The following ZNF333 variants were observed in gnomAD, a reference collection of about 807,000 sequenced individuals.
ZNF333 encodes the protein zinc finger protein 333.
In ZNF333, 61 loss-of-function variants were observed where a neutral mutation model predicts 76.1. The observed-to-expected ratio is 0.80, with a 90% CI of 0.65 to 0.99. ZNF333 has a LOEUF of 0.99. ZNF333 is among the 50% of genes least tolerant of loss of function. ZNF333 has a pLI of 0.00. For missense variants in ZNF333, 717 were observed against 822.4 expected (o/e 0.87, Z 1.57); for synonymous variants, 284 against 305.0 (o/e 0.93, Z 0.72).
Position 14,720,830 on chromosome 19 carries a change from C to T in ZNF333, c.*1505C>T. ...TATTGAGAGAGGTATGTTAAACTCT[C>T]CCACCATGATTATGTATTGCTGAAA... On this transcript the variant is annotated 3_prime_UTR_variant, in exon 12 of 12. Coordinates refer to ENST00000292530, the MANE Select transcript of ZNF333 (RefSeq NM_032433.4). 5.1e-6 allele frequency: 5 copies of T among 977,476 alleles called. No homozygotes were observed. Among genetic ancestry groups the T allele is most frequent in the Non-Finnish European group, 3.6e-6 (3 of 822,764 alleles). 60.6% of individuals were successfully genotyped at this position (977,476 alleles called of 1,614,324 possible). A position where few individuals can be genotyped will look rare whatever the true frequency, so the allele number is the denominator to read the frequency against.
chr19:14,707,549 CTTTT>C (rs751633025), intron 7 of ZNF333, among the ~76,000 whole-genome samples: 2 of 115,692 alleles, frequency 1.7e-5, no homozygotes. Flanking sequence ...AGCTTTGTTT[CTTTT>C]TTTTTTTTTT....
downstream of ZNF333, among the ~76,000 whole-genome samples, chr19:14,726,239 T>C (rs903893854): frequency 1.3e-5 from 2 of 152,232 alleles, no homozygotes; most frequent in Non-Finnish European, 2.9e-5. Flanking sequence ...GTCCAAAGGC[T>C]GCACAGGGCA....
At chr19:14,717,183 T>A in intron 10 of ZNF333, 94 bp downstream of exon 10, 1 of 989,634 alleles carries the variant, frequency 1.0e-6, no homozygotes, top group Non-Finnish European at 1.5e-6. Flanking sequence ...TATTCATACC[T>A]TTGACTGAGA....
In ZNF333 at chr19:14,718,825, C is replaced by T. The variant is rs1405784185; in HGVS notation, c.1498C>T (p.His500Tyr). ...HSSLKTHLRT[H>Y]TREKPYECNQ... ...TTCACTGAAGACACATCTGCGAACC[C>T]ATACCAGAGAGAAACCATATGAATG... Residue 500 changes from histidine (H) to tyrosine (Y), a missense_variant, in exon 12 of 12, where the codon CAT becomes TAT. Coordinates refer to ENST00000292530, the MANE Select transcript of ZNF333 (RefSeq NM_032433.4). The T allele has an allele frequency of 6.2e-7, 1 of 1,614,024 alleles. No homozygotes were observed. Among genetic ancestry groups the T allele is most frequent in the Admixed American group, 1.7e-5 (1 of 59,996 alleles).
intron 8 of ZNF333, 81 bp from the exon 9 acceptor site, chr19:14,716,031 C>T (rs1447064291): frequency 6.3e-7 from 1 of 1,587,244 alleles, no homozygotes; most frequent in East Asian, 2.2e-5. Flanking sequence ...TTTCCCTTCC[C>T]CAGGCTTGCC....
At chr19:14,709,388 A>G (rs1181282164) in intron 7 of ZNF333, 1 of 152,204 alleles carries the variant, frequency 6.6e-6, no homozygotes, top group Non-Finnish European at 1.5e-5. Context: ...CTATGTTCAA[A>G]TATGGTTACC....
At chr19:14,726,348 A>G (rs1395698041), downstream of ZNF333, among the ~76,000 whole-genome samples, 1 of 152,152 alleles carries the variant, frequency 6.6e-6, no homozygotes, top group African/African-American at 2.4e-5. Flanking sequence ...AATGCCTTCA[A>G]AGCCTTTTTC....
At chr19:14,704,587 C>A (rs2042055675) in intron 5 of ZNF333, among the ~76,000 whole-genome samples, 1 of 152,190 alleles carries the variant, frequency 6.6e-6, no homozygotes, top group Non-Finnish European at 1.5e-5. Context: ...GGAAGCCTCA[C>A]AATCATGGCA....
At chr19:14,696,501 G>A (rs1973203093) in intron 4 of ZNF333, among the ~76,000 whole-genome samples, 1 of 152,106 alleles carries the variant, frequency 6.6e-6, no homozygotes, top group African/African-American at 2.4e-5. Context: ...AGACTGGGTA[G>A]TTTATAAACA....
At chr19:14,697,205 C>T (rs992180448) in intron 4 of ZNF333, among the ~76,000 whole-genome samples, 17 of 152,128 alleles carry the variant, frequency 1.1e-4, no homozygotes, top group East Asian at 1.9e-4. Context: ...AACTTAATTC[C>T]TTTTTTAAGG....
Position 14,716,092 on chromosome 19 carries a change from G to A in ZNF333, c.601-20G>A, listed in dbSNP as rs746389832. 16 of 1,613,564 alleles carry A rather than the reference G, an allele frequency of 9.9e-6. No homozygotes were observed. The East Asian group carries it at 1.3e-4, about 13-fold the overall frequency. On this transcript the variant is annotated intron_variant, in intron 8 of 11. Coordinates refer to ENST00000292530, the MANE Select transcript of ZNF333 (RefSeq NM_032433.4). Reference sequence around the variant, plus strand: ...GGTGGGGGTGGTCCCTGGCTGAGCCGGGATGGATGTGTGTTTTAGGAACCA... The same window carrying A: ...GGTGGGGGTGGTCCCTGGCTGAGCCAGGATGGATGTGTGTTTTAGGAACCA...
chr19:14,695,264 T>C (rs1454352578), intron 3 of ZNF333, 131 bp downstream of exon 3: 1 of 1,316,754 alleles, frequency 7.6e-7, no homozygotes, highest in African/African-American at 1.5e-5. Flanking sequence ...CAAAGCTTCA[T>C]CTGTTGCATT....
chr19:14,719,298 T>G lies in ZNF333; in HGVS notation c.1971T>G (p.His657Gln). The G allele has an allele frequency of 6.2e-7, 1 of 1,612,070 alleles. No individual in the cohort carries two copies. The highest frequency in any genetic ancestry group is 8.5e-7 in the Non-Finnish European group (1 of 1,178,846). Residue 657 changes from histidine (H) to glutamine (Q), a missense_variant, in exon 12 of 12, where the codon CAT becomes CAG. His to Gln is a conservative substitution (Grantham distance 24). Coordinates refer to ENST00000292530, the MANE Select transcript of ZNF333 (RefSeq NM_032433.4). ...RNGSLPLSMSHPYCGPLAN is the reference protein window; with the variant it reads ...RNGSLPLSMSQPYCGPLAN ...GCAGCCTGCCTTTATCCATGTCTCATCCATACTGTGGGCCCCTTGCTAATT... is the reference window on the plus strand; with the variant it reads ...GCAGCCTGCCTTTATCCATGTCTCAGCCATACTGTGGGCCCCTTGCTAATT...
At chr19:14,726,925 T>C (rs2335210) in intron 11 of ZNF333, among the ~76,000 whole-genome samples, 11,247 of 152,106 alleles carry the variant, frequency 0.074, 1,014 homozygotes, top group African/African-American at 0.21. Flanking sequence ...TACACAGTTC[T>C]AAAGCTGCTT....
At chr19:14,694,969 G>A (rs1973064669) in intron 2 of ZNF333, 41 bp from the exon 3 acceptor site, 2 of 1,613,330 alleles carry the variant, frequency 1.2e-6, no homozygotes, top group Non-Finnish European at 1.7e-6. Flanking sequence ...CTCAGTGGTG[G>A]GGGTGGTATT....
At chr19:14,725,977 G>T (rs953235421), downstream of ZNF333, among the ~76,000 whole-genome samples, 17 of 152,178 alleles carry the variant, frequency 1.1e-4, no homozygotes, top group African/African-American at 3.9e-4. Flanking sequence ...TCCTAATAGA[G>T]TTCCTCTGTG....
chr19:14,728,380 T>C (rs1237555965), intron 11 of ZNF333, among the ~76,000 whole-genome samples: 1 of 152,230 alleles, frequency 6.6e-6, no homozygotes, highest in Non-Finnish European at 1.5e-5. Context: ...TCTGTTTCTC[T>C]GAGGTCTGGC....
chr19:14,708,077 G>A lies in ZNF333; in HGVS notation c.511+1304G>A, dbSNP rs1188627927. ...GGCTGGAGTGCAGTGGCACGATCTC[G>A]GCTCACTGCAACCTCTGCCTCCCGG... On this transcript the variant is annotated intron_variant, in intron 7 of 11. Coordinates refer to ENST00000292530, the MANE Select transcript of ZNF333 (RefSeq NM_032433.4). The A allele has an allele frequency of 2.3e-5, 9 of 392,246 alleles. 1 individual carries two copies. In the South Asian group the frequency reaches 6.8e-4, roughly 30 times the overall value. The allele number at this position is 392,246 out of a possible 1,614,324, so 24.3% of individuals were successfully genotyped here.
chr19:14,723,802 A>G (rs1392514729), downstream of ZNF333, among the ~76,000 whole-genome samples: 2 of 152,232 alleles, frequency 1.3e-5, no homozygotes, highest in African/African-American at 2.4e-5. Context: ...GGAATTATCA[A>G]CAGTAAAGAT....
Sources: allele counts gnomAD v4.1 joint callset (sites outside exome capture counted in the v4.1 genomes callset), GRCh38; gene constraint gnomAD v4.1.1; transcripts MANE v1.5; gene names NCBI Gene and HGNC (gene_info 2026-07-23, HGNC 2026-07-21).